The following ASB1 variants were observed in gnomAD, a reference collection of about 807,000 sequenced individuals.
ASB1 encodes ankyrin repeat and SOCS box protein 1.
Under a neutral mutation model 27.7 loss-of-function variants are expected in ASB1, and 18 were observed. The ratio of observed to expected loss-of-function variants is 0.65; its 90% CI spans 0.45 to 0.96. The LOEUF (loss-of-function observed/expected upper bound fraction) is 0.96, where lower values mean the gene tolerates loss of function less well. Ranked by LOEUF, ASB1 falls within the 50% of genes least tolerant of loss-of-function variation. ASB1 has a pLI of 0.00. For missense variants in ASB1, 397 were observed against 451.7 expected, an observed-to-expected ratio of 0.88 and a Z score of 1.10; for synonymous variants, 189 against 187.6, an observed-to-expected ratio of 1.01 and a Z score of -0.06.
At chr2:238,440,193 G>T (rs1416776615) in intron 3 of ASB1, among the ~76,000 whole-genome samples, 1 of 152,162 alleles carries the variant, frequency 6.6e-6, no homozygotes, top group Non-Finnish European at 1.5e-5. Context: ...TCTCCTAGGA[G>T]TCCTGGTTTC....
At chr2:238,438,711 G>C (rs138250535) in intron 3 of ASB1, among the ~76,000 whole-genome samples, 9 of 152,302 alleles carry the variant, frequency 5.9e-5, no homozygotes, top group African/African-American at 2.2e-4. Context: ...CTTAGCTTCT[G>C]CCTTCCCTGT....
intron 3 of ASB1, among the ~76,000 whole-genome samples, chr2:238,440,398 A>G (rs2106407697): frequency 6.6e-6 from 1 of 152,326 alleles, no homozygotes; most frequent in Middle Eastern, 3.4e-3. Context: ...CTCATGCCAC[A>G]AGGTTCATCC....
At chr2:238,445,508 A>C (rs1702163133) in intron 4 of ASB1, among the ~76,000 whole-genome samples, 1 of 152,222 alleles carries the variant, frequency 6.6e-6, no homozygotes, top group Admixed American at 6.5e-5. Context: ...TTATTTATGA[A>C]GAAAGATTTT....
intron 2 of ASB1, 106 bp downstream of exon 2, chr2:238,433,801 A>G (rs1701916768): frequency 7.4e-7 from 1 of 1,344,928 alleles, no homozygotes; most frequent in South Asian, 1.3e-5. Flanking sequence ...TGTTGGGAGG[A>G]ATGTGTTCCA....
intron 1 of ASB1, among the ~76,000 whole-genome samples, chr2:238,433,055 A>G (rs1167771321): frequency 1.3e-5 from 2 of 151,944 alleles, no homozygotes; most frequent in African/African-American, 4.8e-5. Context: ...TCAATCTGCT[A>G]ATTTTTTCTT....
chr2:238,436,746 T>A (rs1456420376), intron 3 of ASB1, among the ~76,000 whole-genome samples: 1 of 148,344 alleles, frequency 6.7e-6, no homozygotes, highest in Non-Finnish European at 1.5e-5. Context: ...TTACATATTA[T>A]ACTTTGTTAG....
chr2:238,436,967 A>G (rs980557697), intron 3 of ASB1, among the ~76,000 whole-genome samples: 11 of 152,160 alleles, frequency 7.2e-5, no homozygotes, highest in African/African-American at 2.7e-4. Context: ...CAAGAGTACT[A>G]TTAGTTTTAT....
intron 3 of ASB1, among the ~76,000 whole-genome samples, chr2:238,441,517 A>G (rs1192355414): frequency 6.6e-6 from 1 of 152,120 alleles, no homozygotes. Flanking sequence ...AACCATTTAA[A>G]AAGTTCCATG....
chr2:238,441,846 T>C (rs57080728), intron 3 of ASB1, among the ~76,000 whole-genome samples: 14,126 of 152,246 alleles, frequency 0.093, 749 homozygotes, highest in Non-Finnish European at 0.12. Context: ...TCCCGAGCAG[T>C]GTGATTGATG....
chr2:238,437,787 G>GC (rs1226327794), intron 3 of ASB1, among the ~76,000 whole-genome samples: 1 of 152,200 alleles, frequency 6.6e-6, no homozygotes, highest in Non-Finnish European at 1.5e-5. Flanking sequence ...GCTCTGATGA[G>GC]CAGGGACCTG....
chr2:238,436,110 G>A, intron 3 of ASB1, 97 bp downstream of exon 3: 1 of 1,238,860 alleles, frequency 8.1e-7, no homozygotes, highest in Admixed American at 3.0e-5. Context: ...CTCTTTAGAT[G>A]ACTCGCCTGT....
intron 1 of ASB1, chr2:238,427,720 G>C (rs1170081787): frequency 6.6e-6 from 1 of 152,360 alleles, no homozygotes; most frequent in Admixed American, 6.5e-5. Flanking sequence ...CCTACTTAGG[G>C]TCTCCACCTT....
chr2:238,441,760 G>A (rs1162429140), intron 3 of ASB1, among the ~76,000 whole-genome samples: 1 of 152,240 alleles, frequency 6.6e-6, no homozygotes. Context: ...GTCTCCAGCT[G>A]TTAGGGATGG....
chr2:238,427,009 G>A lies in ASB1; in HGVS notation c.-62G>A, dbSNP rs1338281285. On this transcript the variant is annotated 5_prime_UTR_variant, in exon 1 of 5. Transcript: ENST00000264607. ...TCGGCGCCGGAAGTGGTCGCGGGTC[G>A]TTCTGCTTCCTGCCCGAGGGGCGTG... is the stretch of plus-strand genomic sequence containing the variant. The A allele has an allele frequency of 3.3e-6, 4 of 1,217,362 alleles. No homozygotes were observed. The highest frequency in any genetic ancestry group is 3.7e-5 in the South Asian group (1 of 26,994). The allele number at this position is 1,217,362 out of a possible 1,614,324, so 75.4% of individuals were successfully genotyped here.
intron 2 of ASB1, among the ~76,000 whole-genome samples, 167 bp from the exon 3 acceptor site, chr2:238,435,544 C>A (rs550133044): frequency 1.1e-4 from 17 of 152,294 alleles, no homozygotes; most frequent in South Asian, 4.1e-4. Flanking sequence ...TGCCATGCCC[C>A]GGTCCCGCAG....
chr2:238,440,681 C>T (rs527862528), intron 3 of ASB1, among the ~76,000 whole-genome samples: 38 of 151,924 alleles, frequency 2.5e-4, no homozygotes, highest in African/African-American at 9.0e-4. Context: ...TGGTAGTTTG[C>T]ACTTGCCCTG....
At position 238,446,796 on chromosome 2, in the gene ASB1, G is replaced by A. The variant is rs372528416; in HGVS notation, c.*285G>A. On this transcript the variant is annotated 3_prime_UTR_variant, in exon 5 of 5. Transcript: ENST00000264607. ...CGGGCCATGGGGTATGTACATGTAG[G>A]GGCTGAGGTTGGAGGCCTACTAATT... The A allele has an allele frequency of 2.8e-6, 1 of 354,510 alleles. No individual in the cohort carries two copies. Among genetic ancestry groups the A allele is most frequent in the Non-Finnish European group, 5.2e-6 (1 of 193,472 alleles). The allele number at this position is 354,510 out of a possible 1,614,324, so 22.0% of individuals were successfully genotyped here.
chr2:238,451,875 A>G lies in ASB1; in HGVS notation c.*5364A>G, dbSNP rs1702292647. The G allele has an allele frequency of 7.0e-6, 1 of 143,186 alleles. No homozygotes were observed. The highest frequency in any genetic ancestry group is 2.3e-4 in the South Asian group (1 of 4,278). The allele number at this position is 143,186 out of a possible 1,614,324, so 8.9% of individuals were successfully genotyped here. A position where few individuals can be genotyped will look rare whatever the true frequency, so the allele number is the denominator to read the frequency against. On this transcript the variant is annotated 3_prime_UTR_variant, in exon 5 of 5. Coordinates refer to ENST00000264607, the MANE Select transcript of ASB1 (RefSeq NM_001040445.3). ...TTCTTTCTATGGAACGTTTCAAGTG[A>G]TTGGATAGAAAGAAGGGCTCTGAAG...
Position 238,451,835 on chromosome 2 carries a change from G to C in ASB1, c.*5324G>C, listed in dbSNP as rs1286942328. The C allele has an allele frequency of 1.3e-5, 2 of 152,592 alleles. No individual in the cohort carries two copies. Among genetic ancestry groups the C allele is most frequent in the African/African-American group, 4.8e-5 (2 of 41,414 alleles). The allele number at this position is 152,592 out of a possible 1,614,324, so 9.5% of individuals were successfully genotyped here. A position where few individuals can be genotyped will look rare whatever the true frequency, so the allele number is the denominator to read the frequency against. Reference sequence around the variant, plus strand: ...TTGGTATTCGCATTTCAAGAAGGGAGTTCTTTTTTCTTTCTTCTTTCTATG... The same window carrying C: ...TTGGTATTCGCATTTCAAGAAGGGACTTCTTTTTTCTTTCTTCTTTCTATG... On this transcript the variant is annotated 3_prime_UTR_variant, in exon 5 of 5. Transcript: ENST00000264607.
Sources: allele counts gnomAD v4.1 joint callset (sites outside exome capture counted in the v4.1 genomes callset), GRCh38; gene constraint gnomAD v4.1.1; transcripts MANE v1.5; gene names NCBI Gene and HGNC (gene_info 2026-07-23, HGNC 2026-07-21).